Variants in CCDC122 observed in about 807,000 individuals in gnomAD.
CCDC122 encodes the protein coiled-coil domain containing 122.
In CCDC122, 38 loss-of-function variants were observed where a neutral mutation model predicts 37.0. The observed-to-expected ratio is 1.03, with a 90% CI of 0.79 to 1.35. The LOEUF is 1.35. Ranked by LOEUF, CCDC122 falls within the 40% of genes most tolerant of loss-of-function variation. The pLI is 0.00. For missense variants in CCDC122, 305 were observed against 310.0 expected (o/e 0.98, Z 0.12); for synonymous variants, 83 against 95.6 (o/e 0.87, Z 0.77).
intron 5 of CCDC122, 29 bp from the exon 6 acceptor site, chr13:43,858,926 A>C: frequency 7.4e-7 from 1 of 1,346,718 alleles, no homozygotes; most frequent in Non-Finnish European, 9.9e-7. Flanking sequence ...TGAAATATAG[A>C]AGTCAAAAAA....
chr13:43,845,554 T>A (rs9533653), intron 6 of CCDC122, among the ~76,000 whole-genome samples: 8,768 of 152,066 alleles, frequency 0.058, 357 homozygotes, highest in Non-Finnish European at 0.089. Context: ...CTACTAAAAA[T>A]ACAAAAAATT....
chr13:43,869,248 A>C, intron 3 of CCDC122, 83 bp downstream of exon 3: 11 of 1,028,752 alleles, frequency 1.1e-5, no homozygotes, highest in Non-Finnish European at 7.5e-6. Flanking sequence ...TTTGCTATCA[A>C]TTTTAACACA....
intron 1 of CCDC122, among the ~76,000 whole-genome samples, chr13:43,875,387 A>G (rs935550431): frequency 2.0e-5 from 3 of 152,192 alleles, no homozygotes; most frequent in Non-Finnish European, 2.9e-5. Flanking sequence ...CTCCCAGAAC[A>G]TGTAAATGTG....
chr13:43,847,280 T>C (rs1953574548), intron 6 of CCDC122, among the ~76,000 whole-genome samples: 1 of 152,200 alleles, frequency 6.6e-6, no homozygotes, highest in Non-Finnish European at 1.5e-5. Flanking sequence ...GGTTTGTGTT[T>C]GTGTGTACCA....
At chr13:43,875,806 G>C (rs1249236642) in intron 1 of CCDC122, among the ~76,000 whole-genome samples, 4 of 152,184 alleles carry the variant, frequency 2.6e-5, no homozygotes, top group Admixed American at 6.5e-5. Flanking sequence ...CTCATGCTGA[G>C]AGCCTCTAAT....
At chr13:43,871,354 A>T (rs1266172055) in intron 2 of CCDC122, among the ~76,000 whole-genome samples, 1 of 152,100 alleles carries the variant, frequency 6.6e-6, no homozygotes, top group Non-Finnish European at 1.5e-5. Context: ...TGAGTTCTTC[A>T]TGCTCTTACC....
downstream of CCDC122, among the ~76,000 whole-genome samples, chr13:43,834,528 C>G (rs1348707832): frequency 6.6e-6 from 1 of 152,154 alleles, no homozygotes; most frequent in Non-Finnish European, 1.5e-5. Context: ...AGGCAACCTA[C>G]AGAATGGGAG....
Position 43,837,280 on chromosome 13 carries a change from T to C in CCDC122, c.822A>G (p.Ter274=), listed in dbSNP as rs1178026112. 2 of 1,613,300 alleles carry C rather than the reference T, an allele frequency of 1.2e-6. No individual in the cohort carries two copies. Among genetic ancestry groups the C allele is most frequent in the East Asian group, 4.5e-5 (2 of 44,872 alleles). The change falls in exon 7 of 7, where the codon TAA becomes TAG. Residue 274 remains the stop codon, a stop_retained_variant. Coordinates refer to ENST00000444614, the MANE Select transcript of CCDC122 (RefSeq NM_144974.5). The part of the protein sequence containing the change: ...ELRKCIGMQE[*] Reference sequence around the variant, plus strand: ...TGTTCCACATTGCCCTATGGCAATGTTACTCTTGCATTCCAATGCATTTTC... The same window carrying C: ...TGTTCCACATTGCCCTATGGCAATGCTACTCTTGCATTCCAATGCATTTTC...
intron 6 of CCDC122, among the ~76,000 whole-genome samples, chr13:43,851,344 T>C (rs1481738148): frequency 6.6e-6 from 1 of 152,066 alleles, no homozygotes; most frequent in African/African-American, 2.4e-5. Context: ...TGATGAAAAT[T>C]TCTAAATTTA....
intron 3 of CCDC122, among the ~76,000 whole-genome samples, chr13:43,829,258 C>T (rs1953066388): frequency 6.6e-6 from 1 of 152,100 alleles, no homozygotes; most frequent in African/African-American, 2.4e-5. Flanking sequence ...GTTTTTTGAG[C>T]TGTAGATGTG....
chr13:43,839,883 A>C (rs757163251), intron 6 of CCDC122, among the ~76,000 whole-genome samples: 1 of 152,244 alleles, frequency 6.6e-6, no homozygotes, highest in Admixed American at 6.5e-5. Context: ...CCAGAATCAG[A>C]GCAGATTCAG....
chr13:43,860,306 ATTGTT>A (rs1954065720), intron 4 of CCDC122, among the ~76,000 whole-genome samples: 1 of 152,002 alleles, frequency 6.6e-6, no homozygotes, highest in Non-Finnish European at 1.5e-5. Context: ...TTAAAATCTC[ATTGTT>A]TTATCTTGAC....
At chr13:43,877,491 C>T (rs1954654857) in intron 1 of CCDC122, among the ~76,000 whole-genome samples, 1 of 152,104 alleles carries the variant, frequency 6.6e-6, no homozygotes, top group South Asian at 2.1e-4. Flanking sequence ...ATTTTTTCCA[C>T]TTATTTCTTG....
In CCDC122 at chr13:43,859,801, T is replaced by C; in HGVS notation, c.426A>G (p.Val142=). The change falls in exon 5 of 7, where the codon GTA becomes GTG. Residue 142 remains valine, a synonymous_variant. Transcript: ENST00000444614. The stretch of plus-strand genomic sequence containing the variant: ...CAGTCATAAATGACCATTTGCTCTC[T>C]ACTTCCCCCAAACTATTTTTATGTG... ...IKAHKNSLGE[V]ESKWSFMTEL... 1 of 1,610,398 alleles carries C rather than the reference T, an allele frequency of 6.2e-7. No individual in the cohort carries two copies.
At chr13:43,820,315 A>G (rs1433633040), downstream of CCDC122, among the ~76,000 whole-genome samples, 3 of 152,170 alleles carry the variant, frequency 2.0e-5, no homozygotes, top group Non-Finnish European at 4.4e-5. Flanking sequence ...TCTAAATACT[A>G]TTTCCTAATT....
intron 6 of CCDC122, among the ~76,000 whole-genome samples, 153 bp from the exon 7 acceptor site, chr13:43,837,582 CTG>C (rs1953210495): frequency 6.6e-6 from 1 of 152,090 alleles, no homozygotes; most frequent in Admixed American, 6.5e-5. Flanking sequence ...AATTGTAAAA[CTG>C]TTTATTCAAC....
intron 3 of CCDC122, among the ~76,000 whole-genome samples, chr13:43,825,883 T>C (rs763140982): frequency 2.0e-5 from 3 of 151,878 alleles, no homozygotes; most frequent in East Asian, 1.9e-4. Flanking sequence ...CTCAGCATCA[T>C]GCAATATACC....
chr13:43,873,659 A>G (rs892693211), intron 2 of CCDC122, among the ~76,000 whole-genome samples: 4 of 152,156 alleles, frequency 2.6e-5, no homozygotes, highest in African/African-American at 9.7e-5. Flanking sequence ...CTCTTTTTCC[A>G]TTACAAGCTG....
chr13:43,847,866 C>G (rs1422021761), intron 6 of CCDC122, among the ~76,000 whole-genome samples: 1 of 152,114 alleles, frequency 6.6e-6, no homozygotes, highest in Non-Finnish European at 1.5e-5. Flanking sequence ...CCTCTTCCTC[C>G]CAGTCTCAAG....
Sources: allele counts gnomAD v4.1 joint callset (sites outside exome capture counted in the v4.1 genomes callset), GRCh38; gene constraint gnomAD v4.1.1; transcripts MANE v1.5; gene names NCBI Gene and HGNC (gene_info 2026-07-23, HGNC 2026-07-21).